Variants in SMARCAL1 observed in about 807,000 individuals in gnomAD.
SMARCAL1 encodes the protein ATP-driven annealing helicase.
In SMARCAL1, 58 loss-of-function variants were observed where a neutral mutation model predicts 94.5. The observed-to-expected ratio is 0.61, with a 90% CI of 0.50 to 0.76. The LOEUF (loss-of-function observed/expected upper bound fraction) is 0.76. SMARCAL1 is among the 30% of genes least tolerant of loss of function. The pLI, the probability that SMARCAL1 is intolerant of heterozygous loss-of-function variation, is 0.00. For missense variants in SMARCAL1, 1,051 were observed against 1,177.9 expected, an observed-to-expected ratio of 0.89 and a Z score of 1.58; for synonymous variants, 422 against 455.1, an observed-to-expected ratio of 0.93 and a Z score of 0.93.
intron 4 of SMARCAL1, 46 bp downstream of exon 4, chr2:216,416,353 A>G: frequency 6.6e-7 from 1 of 1,520,536 alleles, no homozygotes; most frequent in Middle Eastern, 1.7e-4. Flanking sequence ...ACTGGTGCTG[A>G]AAATCTTTAG....
At chr2:216,431,089 A>G (rs1693953357) in intron 7 of SMARCAL1, among the ~76,000 whole-genome samples, 1 of 152,258 alleles carries the variant, frequency 6.6e-6, no homozygotes, top group South Asian at 2.1e-4. Context: ...GCCCCCGCCC[A>G]GGCTGCAGGG....
intron 4 of SMARCAL1, among the ~76,000 whole-genome samples, chr2:216,417,224 T>C (rs1275798006): frequency 1.3e-5 from 2 of 152,234 alleles, no homozygotes; most frequent in Non-Finnish European, 2.9e-5. Context: ...CAGAATTTCC[T>C]GGTTTTCTCC....
intron 13 of SMARCAL1, among the ~76,000 whole-genome samples, chr2:216,465,900 C>A (rs749879102): frequency 6.6e-6 from 1 of 152,148 alleles, no homozygotes; most frequent in Non-Finnish European, 1.5e-5. Context: ...AGAGAGCTCC[C>A]CACACCACTC....
At position 216,432,654 on chromosome 2, in the gene SMARCAL1, G is replaced by A. The variant is rs1212068237; in HGVS notation, c.1335-64G>A. 37 of 1,602,488 alleles carry A rather than the reference G, an allele frequency of 2.3e-5. No homozygotes were observed. In the South Asian group the frequency reaches 2.3e-4, roughly 10 times the overall value. ...CTTCACCCAGCAGTGCTGACCCACCGGACATGAGGGCAGATGAACTCATGC... is the reference window on the plus strand; with the variant it reads ...CTTCACCCAGCAGTGCTGACCCACCAGACATGAGGGCAGATGAACTCATGC... On this transcript the variant is annotated intron_variant, in intron 7 of 17. Coordinates refer to ENST00000357276, the MANE Select transcript of SMARCAL1 (RefSeq NM_014140.4).
rs1693893618 is a variant in SMARCAL1 at position 216,428,646 on chromosome 2, A to G, written c.1198A>G (p.Thr400Ala). The G allele has an allele frequency of 1.2e-6, 2 of 1,613,706 alleles. No individual in the cohort carries two copies. Among genetic ancestry groups the G allele is most frequent in the African/African-American group, 1.3e-5 (1 of 74,806 alleles). ...AGTTCAGCTGGACCCTCTGCCCACG[A>G]CTCTCACCCTGGCGTTTGCTTCTCA... ...PQVQLDPLPT[T>A]LTLAFASQLK... The change falls in exon 7 of 18, where the codon ACT becomes GCT. Residue 400 changes from threonine to alanine, a missense_variant. This residue lies in a region of SMARCAL1 where 642 missense variants were observed against 754.7 expected (regional missense o/e 0.85). Transcript: ENST00000357276.
intron 14 of SMARCAL1, among the ~76,000 whole-genome samples, chr2:216,472,315 A>G (rs1380713160): frequency 2.0e-5 from 3 of 152,190 alleles, no homozygotes; most frequent in African/African-American, 4.8e-5. Flanking sequence ...AGATCCTGCC[A>G]CTGTACTGCA....
rs768649610 is a variant in SMARCAL1 at position 216,415,249 on chromosome 2, G to A, written c.545G>A (p.Gly182Glu). Residue 182 changes from glycine (G) to glutamate (E), a missense_variant, in exon 3 of 18, where the codon GGA becomes GAA. Around this residue, in one of 3 missense-constraint regions of SMARCAL1, gnomAD observed 398 missense variants for 395.2 expected, o/e 1.01. Coordinates refer to ENST00000357276, the MANE Select transcript of SMARCAL1 (RefSeq NM_014140.4). The stretch of plus-strand genomic sequence containing the variant: ...CAAGAGACACCAGCTCATTCCTCTG[G>A]ACAGCCTCCCAGGGATGCTAAGTTA... ...SSQETPAHSS[G>E]QPPRDAKLEA... The A allele has an allele frequency of 2.5e-6, 4 of 1,614,210 alleles. No individual in the cohort carries two copies. The highest frequency in any genetic ancestry group is 3.4e-6 in the Non-Finnish European group (4 of 1,180,026).
chr2:216,434,851 ATTTT>A (rs11408208), intron 8 of SMARCAL1, among the ~76,000 whole-genome samples: 3,612 of 117,334 alleles, frequency 0.031, 106 homozygotes, highest in African/African-American at 0.082. Flanking sequence ...ACAACTCTCT[ATTTT>A]TTTTTTTTTT....
rs1240860065 is a variant in SMARCAL1, at chr2:216,475,503, G to A, written c.2427+52G>A. ...TCCCCAGGCATGCTCATGGCTGTGG[G>A]CAGGAAGCAGTGAGTGTCGGTCGGG... On this transcript the variant is annotated intron_variant, in intron 15 of 17. Coordinates refer to ENST00000357276, the MANE Select transcript of SMARCAL1 (RefSeq NM_014140.4). The surrounding 1 kb of genome is among the most constrained non-coding windows in gnomAD (Gnocchi z 4.4). The A allele has an allele frequency of 2.5e-6, 4 of 1,571,226 alleles. No individual in the cohort carries two copies. In the South Asian group the frequency reaches 4.4e-5, roughly 17 times the overall value.
At chr2:216,451,634 GCCCAGGGT>G (rs11277138) in intron 12 of SMARCAL1, 16,240 of 167,028 alleles carry the variant, frequency 0.097, 976 homozygotes, top group South Asian at 0.18. Flanking sequence ...ATTGCAGTTT[GCCCAGGGT>G]CTCTTAGCTG....
intron 13 of SMARCAL1, among the ~76,000 whole-genome samples, chr2:216,467,492 A>AAAG (rs1694853483): frequency 6.7e-6 from 1 of 149,594 alleles, no homozygotes; most frequent in African/African-American, 2.5e-5. Context: ...AAAAAAAAAA[A>AAAG]GGGTGGGAAG....
Position 216,428,765 on chromosome 2 carries a change from T to G in SMARCAL1, c.1317T>G (p.Phe439Leu), listed in dbSNP as rs771757954. 162 of 1,614,118 alleles carry G rather than the reference T, an allele frequency of 1.0e-4. No individual in the cohort carries two copies. The highest frequency in any genetic ancestry group is 1.3e-4 in the Non-Finnish European group (153 of 1,180,044). ...DPKLVSNLMP[F>L]QRAGVNFAIA... ...AGCTCGTGTCTAATCTGATGCCCTT[T>G]CAGAGAGCTGGAGTCAAGTAGGTTC... is the stretch of plus-strand genomic sequence containing the variant. Residue 439 changes from phenylalanine to leucine, a missense_variant, in exon 7 of 18, where the codon TTT becomes TTG. Transcript: ENST00000357276.
At chr2:216,452,179 C>T (rs915142403) in intron 12 of SMARCAL1, among the ~76,000 whole-genome samples, 5 of 151,980 alleles carry the variant, frequency 3.3e-5, no homozygotes, top group South Asian at 2.1e-4. Flanking sequence ...TAAACAACAT[C>T]GATGTAGACA....
intron 10 of SMARCAL1, among the ~76,000 whole-genome samples, chr2:216,444,031 T>C (rs751762061): frequency 2.0e-5 from 3 of 152,378 alleles, no homozygotes; most frequent in Admixed American, 1.3e-4. Flanking sequence ...TGTGTACTTT[T>C]GGTCACTTGT....
chr2:216,479,479 G>C (rs2106091270), intron 17 of SMARCAL1, among the ~76,000 whole-genome samples: 1 of 151,616 alleles, frequency 6.6e-6, no homozygotes, highest in Admixed American at 6.6e-5. Flanking sequence ...ATAAGAAGTT[G>C]AGTTAAATCT....
intron 7 of SMARCAL1, among the ~76,000 whole-genome samples, chr2:216,432,288 C>G: frequency 6.6e-6 from 1 of 152,138 alleles, no homozygotes; most frequent in East Asian, 1.9e-4. Context: ...GCCACCGCGC[C>G]CGACCCTTTC....
At chr2:216,447,854 T>G (rs986310474) in intron 11 of SMARCAL1, among the ~76,000 whole-genome samples, 6 of 152,150 alleles carry the variant, frequency 3.9e-5, no homozygotes, top group African/African-American at 9.7e-5. Flanking sequence ...CATGGAACCC[T>G]TGTTTTTAAA....
intron 10 of SMARCAL1, among the ~76,000 whole-genome samples, chr2:216,443,753 A>G (rs983399223): frequency 6.6e-6 from 1 of 152,216 alleles, no homozygotes; most frequent in African/African-American, 2.4e-5. Context: ...ACTGAGTGGT[A>G]GGTGGCCTTC....
At chr2:216,457,051 T>C (rs1248134653) in intron 12 of SMARCAL1, among the ~76,000 whole-genome samples, 2 of 152,186 alleles carry the variant, frequency 1.3e-5, no homozygotes, top group African/African-American at 4.8e-5. Context: ...TCCTAGTCTC[T>C]AATAAAACAG....
Sources: allele counts gnomAD v4.1 joint callset (sites outside exome capture counted in the v4.1 genomes callset), GRCh38; gene constraint gnomAD v4.1.1; regional missense constraint gnomAD v4.1.1; non-coding constraint Gnocchi (gnomAD v3.1); transcripts MANE v1.5; gene names NCBI Gene and HGNC (gene_info 2026-07-23, HGNC 2026-07-21).